TNRC6C: variants seen among roughly 807,000 people sequenced by gnomAD.
The protein encoded by TNRC6C is trinucleotide repeat-containing gene 6C protein.
A neutral mutation model predicts 153.7 loss-of-function variants in TNRC6C; 20 were observed. The observed-to-expected ratio is 0.13, with a 90% CI of 0.09 to 0.19. The LOEUF (loss-of-function observed/expected upper bound fraction) is 0.19, where lower values mean the gene tolerates loss of function less well. Ranked by LOEUF, TNRC6C falls within the 10% of genes least tolerant of loss-of-function variation. TNRC6C has a pLI of 1.00. For missense variants in TNRC6C, 1,987 were observed against 2,172.0 expected (o/e 0.91, Z 1.69); for synonymous variants, 811 against 841.4 (o/e 0.96, Z 0.63).
intron 2 of TNRC6C, among the ~76,000 whole-genome samples, chr17:78,040,838 C>T (rs1429381512): frequency 6.6e-6 from 1 of 152,162 alleles, no homozygotes; most frequent in Non-Finnish European, 1.5e-5. Flanking sequence ...GTCCATGCCT[C>T]CGCCCCTAGT....
intron 13 of TNRC6C, among the ~76,000 whole-genome samples, chr17:78,090,448 C>T (rs1015702895): frequency 3.9e-5 from 6 of 152,126 alleles, no homozygotes; most frequent in African/African-American, 7.2e-5. Flanking sequence ...GCTTACGTAC[C>T]GTGTGGCGTA....
chr17:78,077,337 A>C lies in TNRC6C; in HGVS notation c.3210+3A>C. 1 of 1,570,274 alleles carries C rather than the reference A, an allele frequency of 6.4e-7. No individual in the cohort carries two copies. The highest frequency in any genetic ancestry group is 8.6e-7 in the Non-Finnish European group (1 of 1,157,128). On this transcript the variant is annotated splice_donor_region_variant and intron_variant, in intron 9 of 19. Coordinates refer to ENST00000301624, the Ensembl canonical transcript of TNRC6C. The stretch of plus-strand genomic sequence containing the variant: ...AAAACTTGAATTCTTCTAGACAGGT[A>C]AGGCTGTTTGGAGAGAGCAAAACAT...
intron 1 of TNRC6C, among the ~76,000 whole-genome samples, chr17:77,993,506 A>G (rs370621902): frequency 6.6e-6 from 1 of 152,378 alleles, no homozygotes; most frequent in African/African-American, 2.4e-5. Context: ...ACTTGTTAGT[A>G]TACAAAGTAT....
chr17:78,055,188 A>G (rs1449053818), intron 3 of TNRC6C, among the ~76,000 whole-genome samples: 2 of 152,212 alleles, frequency 1.3e-5, no homozygotes, highest in African/African-American at 4.8e-5. Flanking sequence ...TCACAAAAGT[A>G]TTTTTTATAT....
At chr17:77,959,855 G>A (rs1323583924) in intron 1 of TNRC6C, among the ~76,000 whole-genome samples, 3 of 152,172 alleles carry the variant, frequency 2.0e-5, no homozygotes, top group African/African-American at 7.2e-5. Context: ...CCTGGTTGCC[G>A]CCTCTGCTTT....
chr17:78,063,260 TATATAA>T (rs2072805053), intron 3 of TNRC6C, among the ~76,000 whole-genome samples: 1 of 148,116 alleles, frequency 6.8e-6, no homozygotes, highest in East Asian at 1.9e-4. Context: ...TATATATATA[TATATAA>T]ATAATATATA....
intron 1 of TNRC6C, among the ~76,000 whole-genome samples, chr17:77,962,398 A>G (rs187539321): frequency 1.3e-5 from 2 of 152,360 alleles, no homozygotes; most frequent in South Asian, 2.1e-4. Context: ...TATAAGAAAG[A>G]AAATCGTTTG....
chr17:78,026,090 AT>A (rs931842032), intron 1 of TNRC6C, among the ~76,000 whole-genome samples: 2 of 152,148 alleles, frequency 1.3e-5, no homozygotes, highest in African/African-American at 4.8e-5. Context: ...TAGCCTTAGT[AT>A]TTTTTTATTT....
chr17:78,101,878 T>C (rs1005254438), intron 17 of TNRC6C, among the ~76,000 whole-genome samples: 1 of 151,770 alleles, frequency 6.6e-6, no homozygotes, highest in African/African-American at 2.4e-5. Context: ...ATGGGCGTCA[T>C]GGCCATCATG....
At chr17:77,960,402 A>G (rs938751447) in intron 1 of TNRC6C, among the ~76,000 whole-genome samples, 2 of 152,170 alleles carry the variant, frequency 1.3e-5, no homozygotes, top group African/African-American at 4.8e-5. Context: ...TAGCCAATTT[A>G]TGGTGATCGC....
exon 20 of TNRC6C, chr17:78,107,340 C>T (rs1567974031): frequency 6.6e-6 from 1 of 152,034 alleles, no homozygotes; most frequent in Non-Finnish European, 1.5e-5. Context: ...ACAACAAGTT[C>T]GTGGCTCTTA....
chr17:78,089,560 C>T (rs60266017), intron 13 of TNRC6C, among the ~76,000 whole-genome samples: 1,864 of 152,192 alleles, frequency 0.012, 38 homozygotes, highest in African/African-American at 0.042. Flanking sequence ...AGTGGGGGCT[C>T]CTAGCTACCT....
At chr17:78,031,547 G>A in exon 2 of TNRC6C, 1 of 1,232,192 alleles carries the variant, frequency 8.1e-7, no homozygotes. Context: ...GTTCAAGCCA[G>A]CCCCAACCTG....
At chr17:78,066,892 G>A (rs2072890756) in intron 4 of TNRC6C, 1 of 152,184 alleles carries the variant, frequency 6.6e-6, no homozygotes, top group South Asian at 2.1e-4. Context: ...GCTCTGGTCT[G>A]TGTGACTTAA....
chr17:77,992,824 GA>G (rs1250658929), intron 1 of TNRC6C, among the ~76,000 whole-genome samples: 1 of 152,144 alleles, frequency 6.6e-6, no homozygotes, highest in African/African-American at 2.4e-5. Context: ...TGGTTCATGA[GA>G]ATCCGTAAAG....
In TNRC6C at chr17:77,992,315, C is replaced by T. The variant is rs1357094654; in HGVS notation, c.-37-11855C>T. Among the ~76,000 whole-genome samples the T allele has an allele frequency of 5.0e-5, 3 of 60,158 alleles. 1 individual carries two copies. Among genetic ancestry groups the T allele is most frequent in the Non-Finnish European group, 8.7e-5 (3 of 34,438 alleles). 39.5% of individuals were successfully genotyped at this position (60,158 alleles called of 152,430 possible). A position where few individuals can be genotyped will look rare whatever the true frequency, so the allele number is the denominator to read the frequency against. ...GAGATCGAGACCATCCTGGCTAACA[C>T]GGTGAAACCCCGTCTCTACTAAAAA... is the stretch of plus-strand genomic sequence containing the variant. On this transcript the variant is annotated intron_variant, in intron 1 of 22. Coordinates refer to the TNRC6C transcript ENST00000636222.
At chr17:77,997,334 C>G (rs2071343821) in intron 1 of TNRC6C, among the ~76,000 whole-genome samples, 1 of 152,158 alleles carries the variant, frequency 6.6e-6, no homozygotes, top group Admixed American at 6.5e-5. Context: ...CTCTTACGAT[C>G]TCCGTGATTC....
At chr17:78,078,474 T>C (rs1336146367) in intron 9 of TNRC6C, among the ~76,000 whole-genome samples, 1 of 152,234 alleles carries the variant, frequency 6.6e-6, no homozygotes, top group Non-Finnish European at 1.5e-5. Flanking sequence ...AATAACTATA[T>C]TTCCTGTTTG....
At chr17:78,089,142 A>G (rs540079265) in intron 13 of TNRC6C, among the ~76,000 whole-genome samples, 2 of 151,478 alleles carry the variant, frequency 1.3e-5, no homozygotes, top group Admixed American at 1.3e-4. Context: ...TAATTTTTGT[A>G]TTTTTAGTAG....
Sources: gnomAD v4.1 joint callset for allele counts (sites outside exome capture counted in the v4.1 genomes callset) on GRCh38, gnomAD v4.1.1 for gene constraint, MANE v1.5 for transcripts, NCBI Gene and HGNC (gene_info 2026-07-23, HGNC 2026-07-21) for gene names.